The following MRPL58 variants were observed in gnomAD, a reference collection of about 807,000 sequenced individuals.
MRPL58 encodes the protein large ribosomal subunit protein mL62.
MRPL58 carries 17 observed loss-of-function variants against 26.0 expected under a neutral mutation model. The ratio of observed to expected loss-of-function variants is 0.65; its 90% confidence interval spans 0.45 to 0.98. The LOEUF (loss-of-function observed/expected upper bound fraction) is 0.98, where lower values mean the gene tolerates loss of function less well. Ranked by LOEUF, MRPL58 falls within the 50% of genes least tolerant of loss-of-function variation. The probability of loss-of-function intolerance (pLI) is 0.00; values close to 1 mark genes in which losing one functional copy is unlikely to be tolerated. For synonymous variants in MRPL58, 100 were observed against 99.7 expected (o/e 1.00, Z -0.02); for missense variants, 250 against 269.0 (o/e 0.93, Z 0.49).
intron 1 of MRPL58, among the ~76,000 whole-genome samples, chr17:75,014,295 C>A (rs2144881056): frequency 6.9e-6 from 1 of 144,542 alleles, no homozygotes; most frequent in African/African-American, 2.6e-5. Context: ...ACGCCATTCT[C>A]CTGCCTCAGT....
In MRPL58 at chr17:75,019,692, T is replaced by A; in HGVS notation, c.224-8T>A. 1 of 1,613,154 alleles carries A rather than the reference T, an allele frequency of 6.2e-7. No homozygotes were observed. The highest frequency in any genetic ancestry group is 1.1e-5 in the South Asian group (1 of 91,038). On this transcript the variant is annotated splice_polypyrimidine_tract_variant and splice_region_variant and intron_variant, in intron 2 of 5. Transcript: ENST00000301585. ...AGTTTTGTGTGTGTACTTTCTTCTG[T>A]TTTACAGATCGCTTGACAATATCTT... is the stretch of plus-strand genomic sequence containing the variant.
intron 1 of MRPL58, among the ~76,000 whole-genome samples, chr17:75,015,346 T>C (rs2039965278): frequency 6.6e-6 from 1 of 152,088 alleles, no homozygotes; most frequent in South Asian, 2.1e-4. Flanking sequence ...TAGTCGGGCG[T>C]GGTGGCACAC....
chr17:75,012,737 G>C lies in MRPL58; in HGVS notation c.51G>C (p.Trp17Cys). 6.3e-7 allele frequency: 1 copy of C among 1,583,348 alleles called. No homozygotes were observed. The highest frequency in any genetic ancestry group is 8.6e-7 in the Non-Finnish European group (1 of 1,166,858). ...GGGGCCTGAGCCGAGCCGGAGTCTGGCTGCTCCCACCGCCCGCACGGTGCC... is the reference window on the plus strand; with the variant it reads ...GGGGCCTGAGCCGAGCCGGAGTCTGCCTGCTCCCACCGCCCGCACGGTGCC... ...LRWGLSRAGV[W>C]LLPPPARCPR... The change falls in exon 1 of 6, where the codon TGG (tryptophan) becomes TGC (cysteine). Residue 17 changes from tryptophan to cysteine, a missense_variant. Transcript: ENST00000301585.
intron 1 of MRPL58, among the ~76,000 whole-genome samples, chr17:75,016,120 C>A (rs1210470156): frequency 6.6e-6 from 1 of 150,966 alleles, no homozygotes; most frequent in South Asian, 2.1e-4. Flanking sequence ...GAAATGAAGA[C>A]AGGCTGGGCG....
rs1220823906 is a variant in MRPL58 at position 75,017,091 on chromosome 17, A to T, written c.200A>T (p.Gln67Leu). The change falls in exon 2 of 6, where the codon CAA (glutamine) becomes CTA (leucine). Residue 67 changes from glutamine to leucine, a missense_variant. Transcript: ENST00000301585. ...ATTACATTACAGAATGGTGCAAAGC[A>T]AGCCGACAGTGACATCCCTCTAGGT... ...TAWRVPNGAK[Q>L]ADSDIPLDRL... 2 of 1,613,132 alleles carry T rather than the reference A, an allele frequency of 1.2e-6. No individual in the cohort carries two copies. The highest frequency in any genetic ancestry group is 1.7e-6 in the Non-Finnish European group (2 of 1,179,168).
rs2040015239 is a variant in MRPL58 at position 75,021,143 on chromosome 17, A to G, written c.*138A>G. On this transcript the variant is annotated 3_prime_UTR_variant, in exon 6 of 6. Transcript: ENST00000301585. ...CTATAACATTGGAGCCATCACAAGA[A>G]TGTTCATTTGGAATGAAGGCTGCAG... 1 of 639,850 alleles carries G rather than the reference A, an allele frequency of 1.6e-6. No homozygotes were observed. 39.6% of individuals were successfully genotyped at this position (639,850 alleles called of 1,614,324 possible).
rs142162816 is a variant in MRPL58 at position 75,021,082 on chromosome 17, A to G, written c.*77A>G. The G allele has an allele frequency of 3.7e-4, 338 of 915,170 alleles. 2 individuals carry two copies. In the African/African-American group the frequency reaches 5.1e-3, roughly 14 times the overall value. The allele number at this position is 915,170 out of a possible 1,614,324, so 56.7% of individuals were successfully genotyped here. A position where few individuals can be genotyped will look rare whatever the true frequency, so the allele number is the denominator to read the frequency against. ...CTGAGAGGACTTTCACACCATAAGG[A>G]GATTTCTGTTTTTCTTTTTGGCTGT... On this transcript the variant is annotated 3_prime_UTR_variant, in exon 6 of 6. Transcript: ENST00000301585.
rs201411401 is a variant in MRPL58, at chr17:75,012,696, A to C, written c.10A>C (p.Thr4Pro). Residue 4 changes from threonine to proline, a missense_variant, in exon 1 of 6, where the codon ACC (threonine) becomes CCC (proline). Transcript: ENST00000301585. ...GTCGCAAGACCTGAGCATGGCGGCC[A>C]CCAGGTGCCTGCGCTGGGGCCTGAG... is the stretch of plus-strand genomic sequence containing the variant. MAA[T>P]RCLRWGLSRA... The C allele has an allele frequency of 1.9e-6, 3 of 1,553,958 alleles. No homozygotes were observed. The Admixed American group carries it at 5.8e-5, about 30-fold the overall frequency.
At chr17:75,020,738 G>A (rs1381387520) in intron 5 of MRPL58, 81 bp downstream of exon 5, 9 of 1,467,042 alleles carry the variant, frequency 6.1e-6, no homozygotes, top group Non-Finnish European at 8.5e-6. Context: ...GCAGGGGAGA[G>A]TCCAAGGCCG....
chr17:75,020,346 C>T lies in MRPL58; in HGVS notation c.317C>T (p.Ala106Val). 2 of 1,614,122 alleles carry T rather than the reference C, an allele frequency of 1.2e-6. No individual in the cohort carries two copies. The highest frequency in any genetic ancestry group is 3.3e-5 in the Admixed American group (2 of 60,022). Residue 106 changes from alanine (A) to valine (V), a missense_variant, in exon 4 of 6, where the codon GCA (alanine) becomes GTA (valine). Physicochemically the swap from Ala to Val is moderately conservative, Grantham distance 64. Transcript: ENST00000301585. The stretch of plus-strand genomic sequence containing the variant: ...AAGGCAGAAGTCAGGTTCCATTTGG[C>T]AACTGCCGAGTGGATCGCGGAGCCC... ...NSKAEVRFHL[A>V]TAEWIAEPVR...
In MRPL58 at chr17:75,021,113, C is replaced by T. The variant is rs2040015040; in HGVS notation, c.*108C>T. The T allele has an allele frequency of 1.4e-6, 1 of 733,390 alleles. No homozygotes were observed. Among genetic ancestry groups the T allele is most frequent in the African/African-American group, 1.8e-5 (1 of 56,628 alleles). The allele number at this position is 733,390 out of a possible 1,614,324, so 45.4% of individuals were successfully genotyped here. ...CTGTTTTTCTTTTTGGCTGTTAATG[C>T]TTGTCTATAACATTGGAGCCATCAC... On this transcript the variant is annotated 3_prime_UTR_variant, in exon 6 of 6. Coordinates refer to ENST00000301585, the MANE Select transcript of MRPL58 (RefSeq NM_001545.3).
intron 1 of MRPL58, among the ~76,000 whole-genome samples, chr17:75,013,544 G>A (rs2039949655): frequency 6.6e-6 from 1 of 152,202 alleles, no homozygotes; most frequent in African/African-American, 2.4e-5. Flanking sequence ...GAGACAAGCA[G>A]TAAGTAAATG....
At chr17:75,015,082 G>C (rs1275622873) in intron 1 of MRPL58, among the ~76,000 whole-genome samples, 2 of 152,216 alleles carry the variant, frequency 1.3e-5, no homozygotes, top group African/African-American at 4.8e-5. Context: ...GCGGCTTAAG[G>C]TTTGGGTCCA....
chr17:75,014,869 A>G (rs181367787), intron 1 of MRPL58, among the ~76,000 whole-genome samples: 5 of 152,370 alleles, frequency 3.3e-5, no homozygotes, highest in Admixed American at 2.6e-4. Context: ...TGTGTCTACT[A>G]CTACTTGAGT....
rs1471815160 is a variant in MRPL58 at position 75,020,499 on chromosome 17, G to T, written c.378G>T (p.Lys126Asn). 6.2e-7 allele frequency: 1 copy of T among 1,614,088 alleles called. No homozygotes were observed. The highest frequency in any genetic ancestry group is 1.1e-5 in the South Asian group (1 of 91,088). ...TTTGTTCTCTGCAGCATAAAAACAAGATCAACAGGTTAGGAGAGTTGATCC... is the reference window on the plus strand; with the variant it reads ...TTTGTTCTCTGCAGCATAAAAACAATATCAACAGGTTAGGAGAGTTGATCC... Reference protein sequence around the residue: ...RQKIAITHKNKINRLGELILT... With the variant: ...RQKIAITHKNNINRLGELILT... The change falls in exon 5 of 6, where the codon AAG (lysine) becomes AAT (asparagine). Residue 126 changes from lysine to asparagine, a missense_variant. Transcript: ENST00000301585.
rs1051345861 is a variant in MRPL58 at position 75,020,866 on chromosome 17, C to G, written c.537-55C>G. ...GTTGAGCTCCCAACTCCTCTCACCA[C>G]TTTGAAAAGCACTGATTGGGCATCT... is the stretch of plus-strand genomic sequence containing the variant. On this transcript the variant is annotated intron_variant, in intron 5 of 5. Transcript: ENST00000301585. 4.8e-6 allele frequency: 7 copies of G among 1,456,570 alleles called. No homozygotes were observed. The African/African-American group carries it at 7.0e-5, about 14-fold the overall frequency. The allele number at this position is 1,456,570 out of a possible 1,614,324, so 90.2% of individuals were successfully genotyped here. A position where few individuals can be genotyped will look rare whatever the true frequency, so the allele number is the denominator to read the frequency against.
intron 2 of MRPL58, 28 bp from the exon 3 acceptor site, chr17:75,019,672 T>C: frequency 6.2e-7 from 1 of 1,605,902 alleles, no homozygotes; most frequent in Non-Finnish European, 8.5e-7. Flanking sequence ...TAATCAGTTT[T>C]GTGTGTGTAC....
At chr17:75,020,151 C>G in intron 3 of MRPL58, 162 bp from the exon 4 acceptor site, 1 of 600,678 alleles carries the variant, frequency 1.7e-6, no homozygotes, top group Non-Finnish European at 3.0e-6. Flanking sequence ...AAGTGCCTCA[C>G]TGTCTTTGCG....
Position 75,012,981 on chromosome 17 carries a change from A to G in MRPL58, c.186+109A>G, listed in dbSNP as rs532756501. 7.5e-5 allele frequency: 76 copies of G among 1,019,164 alleles called. No homozygotes were observed. The East Asian group carries it at 2.1e-3, about 28-fold the overall frequency. The allele number at this position is 1,019,164 out of a possible 1,614,324, so 63.1% of individuals were successfully genotyped here. Reference sequence around the variant, plus strand: ...TGGAGCTACGTCGGGGGGCTACGTGATGGTCGCCGCGGGAGGGGGCTGGCT... The same window carrying G: ...TGGAGCTACGTCGGGGGGCTACGTGGTGGTCGCCGCGGGAGGGGGCTGGCT... On this transcript the variant is annotated intron_variant, in intron 1 of 5. Coordinates refer to ENST00000301585, the MANE Select transcript of MRPL58 (RefSeq NM_001545.3).
Sources: gnomAD v4.1 joint callset for allele counts (sites outside exome capture counted in the v4.1 genomes callset) on GRCh38, gnomAD v4.1.1 for gene constraint, MANE v1.5 for transcripts, NCBI Gene and HGNC (gene_info 2026-07-23, HGNC 2026-07-21) for gene names.